The following KATNAL2 variants were observed in gnomAD, a reference collection of about 807,000 sequenced individuals.
KATNAL2 encodes the protein katanin p60 ATPase-containing subunit A-like 2.
In KATNAL2, 52 loss-of-function variants were observed where a neutral mutation model predicts 76.3. The ratio of observed to expected loss-of-function variants is 0.68; its 90% CI spans 0.55 to 0.86. The LOEUF (loss-of-function observed/expected upper bound fraction) is 0.86, where lower values mean the gene tolerates loss of function less well. Ranked by LOEUF, KATNAL2 falls within the 40% of genes least tolerant of loss-of-function variation. KATNAL2 has a pLI of 0.00. For synonymous variants in KATNAL2, 243 were observed against 244.2 expected (o/e 1.00, Z 0.05); for missense variants, 660 against 668.9 (o/e 0.99, Z 0.15).
intron 3 of KATNAL2, among the ~76,000 whole-genome samples, chr18:47,037,334 A>G (rs1184840152): frequency 6.6e-6 from 1 of 152,230 alleles, no homozygotes; most frequent in African/African-American, 2.4e-5. Flanking sequence ...TTGTGGCACA[A>G]TAGCCCACAA....
chr18:46,955,105 C>CCCTT (rs10624676), intron 3 of KATNAL2, among the ~76,000 whole-genome samples: 75,795 of 143,534 alleles, frequency 0.53, 20,165 homozygotes, highest in Middle Eastern at 0.58. Flanking sequence ...CTCCCTCCCT[C>CCCTT]CCTTCCTTCC....
intron 3 of KATNAL2, among the ~76,000 whole-genome samples, chr18:47,046,114 A>C (rs1261301268): frequency 6.6e-6 from 1 of 152,208 alleles, no homozygotes; most frequent in Non-Finnish European, 1.5e-5. Flanking sequence ...ATCTTTTTCT[A>C]ATCAGTTTCC....
At position 46,953,881 on chromosome 18, in the gene KATNAL2, TG is replaced by T. The variant is rs75961924; in HGVS notation, c.51+6963del. ...AATCAGGTACCAGGGCCCTTTTCAT[TG>T]GGGGATGCCAAATGTCAGTTATGTG... On this transcript the variant is annotated intron_variant, in intron 3 of 17. Coordinates refer to ENST00000683218, the MANE Select transcript of KATNAL2 (RefSeq NM_001387690.1). Among the ~76,000 whole-genome samples, 10 of 152,248 alleles carry T rather than the reference TG, an allele frequency of 6.6e-5. No homozygotes were observed. The East Asian group carries it at 1.7e-3, about 26-fold the overall frequency.
At chr18:46,947,079 CGGGCTG>C (rs1569003179) in intron 3 of KATNAL2, among the ~76,000 whole-genome samples, 156 bp downstream of exon 3, 1 of 152,144 alleles carries the variant, frequency 6.6e-6, no homozygotes, top group East Asian at 1.9e-4. Context: ...GGTTAAATCC[CGGGCTG>C]GGCTTGCAGC....
intron 4 of KATNAL2, among the ~76,000 whole-genome samples, chr18:47,047,121 A>G (rs1468261627): frequency 6.6e-6 from 1 of 152,044 alleles, no homozygotes; most frequent in South Asian, 2.1e-4. Flanking sequence ...GGGTCTCACC[A>G]TGTTTTCCAT....
At chr18:47,065,486 T>A (rs2061761958) in intron 10 of KATNAL2, among the ~76,000 whole-genome samples, 1 of 151,874 alleles carries the variant, frequency 6.6e-6, no homozygotes, top group Admixed American at 6.6e-5. Context: ...ACCAATCTCT[T>A]CCATATGCCC....
chr18:47,032,801 G>GTGT (rs1236166074), intron 3 of KATNAL2: 6 of 893,324 alleles, frequency 6.7e-6, no homozygotes, highest in African/African-American at 3.4e-5. Flanking sequence ...GAATTCTGAG[G>GTGT]TGTTCTCCAA....
intron 3 of KATNAL2, chr18:47,034,708 G>T: frequency 1.2e-6 from 2 of 1,613,008 alleles, no homozygotes; most frequent in Non-Finnish European, 1.7e-6. Context: ...GGGCGCAGCG[G>T]GCTCAGGGCC....
intron 15 of KATNAL2, among the ~76,000 whole-genome samples, chr18:47,093,950 G>T (rs1447921960): frequency 1.3e-5 from 2 of 152,118 alleles, no homozygotes; most frequent in Non-Finnish European, 2.9e-5. Flanking sequence ...CTTTTTAAAT[G>T]GCATCCTCTT....
chr18:47,046,250 C>G (rs191611862), intron 3 of KATNAL2: 15 of 565,878 alleles, frequency 2.7e-5, no homozygotes, highest in East Asian at 5.8e-5. Flanking sequence ...AATCATTGTC[C>G]CTTAAGTTTA....
intron 15 of KATNAL2, among the ~76,000 whole-genome samples, chr18:47,081,199 T>C (rs528522977): frequency 3.9e-5 from 6 of 152,130 alleles, no homozygotes; most frequent in African/African-American, 1.2e-4. Flanking sequence ...AAACTTCCCA[T>C]GTGTGTCTCA....
chr18:46,958,915 T>C (rs1459238143), intron 3 of KATNAL2, among the ~76,000 whole-genome samples: 1 of 152,234 alleles, frequency 6.6e-6, no homozygotes, highest in Non-Finnish European at 1.5e-5. Context: ...CATGTGTCAT[T>C]ATACGTACTT....
At chr18:47,087,532 C>T (rs1243601823) in intron 15 of KATNAL2, among the ~76,000 whole-genome samples, 1 of 151,982 alleles carries the variant, frequency 6.6e-6, no homozygotes, top group South Asian at 2.1e-4. Flanking sequence ...ACAACAGACC[C>T]TGAGGCCTGC....
intron 5 of KATNAL2, among the ~76,000 whole-genome samples, chr18:47,053,445 G>A (rs371058020): frequency 2.0e-4 from 31 of 152,242 alleles, no homozygotes; most frequent in South Asian, 4.1e-4. Context: ...ATGAGTATTG[G>A]GGAAGCTAAT....
At chr18:46,956,147 T>C (rs1218419593) in intron 3 of KATNAL2, among the ~76,000 whole-genome samples, 2 of 152,196 alleles carry the variant, frequency 1.3e-5, no homozygotes, top group Non-Finnish European at 2.9e-5. Context: ...TCTTTGGATA[T>C]TGTAGGGTCT....
intron 3 of KATNAL2, among the ~76,000 whole-genome samples, chr18:47,037,508 C>G (rs2060820933): frequency 6.6e-6 from 1 of 152,034 alleles, no homozygotes; most frequent in Non-Finnish European, 1.5e-5. Context: ...TTAAATGGAT[C>G]CTTTTTGCGG....
At chr18:46,961,518 G>C (rs2059951946) in intron 3 of KATNAL2, among the ~76,000 whole-genome samples, 1 of 152,220 alleles carries the variant, frequency 6.6e-6, no homozygotes, top group Non-Finnish European at 1.5e-5. Context: ...CACAGGGGAA[G>C]AGCAAGCAAC....
chr18:47,093,401 CTTTTTTT>C (rs557793941), intron 15 of KATNAL2, among the ~76,000 whole-genome samples: 1 of 127,734 alleles, frequency 7.8e-6, no homozygotes, highest in South Asian at 2.6e-4. Context: ...TTTCTCTGTC[CTTTTTTT>C]TTTTTTTTTT....
At chr18:47,084,655 C>T (rs1482033588) in intron 15 of KATNAL2, among the ~76,000 whole-genome samples, 2 of 151,482 alleles carry the variant, frequency 1.3e-5, no homozygotes, top group Non-Finnish European at 2.9e-5. Context: ...TCAAGACCTG[C>T]CTGGCCCACA....
Sources: allele counts gnomAD v4.1 joint callset (sites outside exome capture counted in the v4.1 genomes callset), GRCh38; gene constraint gnomAD v4.1.1; transcripts MANE v1.5; gene names NCBI Gene and HGNC (gene_info 2026-07-23, HGNC 2026-07-21).